Variants in LARGE1 observed in about 807,000 individuals in gnomAD.
LARGE1 encodes LARGE xylosyl- and glucuronyltransferase 1.
In LARGE1, 43 loss-of-function variants were observed where a neutral mutation model predicts 87.6. The observed-to-expected ratio is 0.49, with a 90% CI of 0.38 to 0.63. LARGE1 has a LOEUF of 0.63. LARGE1 is among the 30% of genes least tolerant of loss of function. The pLI is 0.00. For missense variants in LARGE1, 802 were observed against 1,000.2 expected (o/e 0.80, Z 2.67); for synonymous variants, 434 against 394.6 (o/e 1.10, Z -1.18).
intron 2 of LARGE1, among the ~76,000 whole-genome samples, chr22:33,668,881 C>T (rs947628508): frequency 6.6e-6 from 1 of 152,120 alleles, no homozygotes; most frequent in South Asian, 2.1e-4. Context: ...TATGTAATGG[C>T]GTAAAAAGAT....
chr22:33,432,104 G>T, intron 7 of LARGE1, 57 bp downstream of exon 7: 1 of 1,359,160 alleles, frequency 7.4e-7, no homozygotes, highest in Non-Finnish European at 1.1e-6. Flanking sequence ...TGCGGAAGGA[G>T]CACTGGGTCC....
intron 1 of LARGE1, among the ~76,000 whole-genome samples, chr22:33,795,505 A>G (rs543188065): frequency 1.3e-5 from 2 of 152,298 alleles, no homozygotes; most frequent in South Asian, 4.2e-4. Context: ...CCATCCCATT[A>G]CTGAGTATAT....
intron 1 of LARGE1, among the ~76,000 whole-genome samples, chr22:33,812,689 C>T (rs1229788080): frequency 3.3e-5 from 5 of 152,202 alleles, no homozygotes; most frequent in Admixed American, 6.5e-5. Context: ...ACCAAGTTTC[C>T]CTTTGTGTGG....
At chr22:33,441,144 G>T (rs113532410) in intron 6 of LARGE1, among the ~76,000 whole-genome samples, 7,331 of 128,876 alleles carry the variant, frequency 0.057, 250 homozygotes, top group Middle Eastern at 0.18. Flanking sequence ...GTACAATCTT[G>T]GCTCACTGCA....
At chr22:33,140,690 A>G in the LARGE1 span, among the ~76,000 whole-genome samples, 1 of 152,058 alleles carries the variant, frequency 6.6e-6, no homozygotes, top group Non-Finnish European at 1.5e-5. Context: ...GGACTCTTGG[A>G]CTTACACCAG....
intron 11 of LARGE1, among the ~76,000 whole-genome samples, chr22:33,239,066 G>A (rs568855431): frequency 3.4e-4 from 51 of 150,524 alleles, no homozygotes; most frequent in African/African-American, 7.1e-4. Context: ...AAGATTAATC[G>A]CAAAAAGGAG....
intron 11 of LARGE1, among the ~76,000 whole-genome samples, chr22:33,217,627 A>G (rs997577915): frequency 6.6e-6 from 1 of 152,168 alleles, no homozygotes; most frequent in African/African-American, 2.4e-5. Context: ...GATAAATACT[A>G]AGTTCAGGCT....
chr22:33,589,582 T>C (rs191060165), intron 5 of LARGE1, among the ~76,000 whole-genome samples: 79 of 152,338 alleles, frequency 5.2e-4, no homozygotes, highest in Non-Finnish European at 1.0e-3. Context: ...AGAATTCTGC[T>C]GTGAACTCCA....
chr22:33,639,510 G>T (rs182646431), intron 3 of LARGE1, among the ~76,000 whole-genome samples: 116 of 152,294 alleles, frequency 7.6e-4, no homozygotes, highest in African/African-American at 2.7e-3. Flanking sequence ...AGCTTCCCCT[G>T]CCTCCACCTC....
intron 4 of LARGE1, among the ~76,000 whole-genome samples, chr22:33,615,935 C>G (rs533973417): frequency 6.6e-6 from 1 of 152,212 alleles, no homozygotes; most frequent in Admixed American, 6.5e-5. Flanking sequence ...TATCATTAAT[C>G]ATTAGGGAAA....
chr22:33,905,633 A>C (rs543080615), intron 1 of LARGE1, among the ~76,000 whole-genome samples: 25 of 152,344 alleles, frequency 1.6e-4, no homozygotes, highest in African/African-American at 5.8e-4. Context: ...AAAGGGGCTT[A>C]AATGCCCTGT....
At chr22:33,520,542 C>T (rs1346476969) in intron 6 of LARGE1, among the ~76,000 whole-genome samples, 2 of 152,216 alleles carry the variant, frequency 1.3e-5, no homozygotes, top group African/African-American at 4.8e-5. Context: ...ATCTCTAACT[C>T]ACTTCCCCAC....
chr22:33,514,622 A>G (rs1418177101), intron 6 of LARGE1, among the ~76,000 whole-genome samples: 6 of 152,200 alleles, frequency 3.9e-5, no homozygotes, highest in Non-Finnish European at 7.3e-5. Context: ...CCCATTTAAT[A>G]TAAGGAACTT....
downstream of LARGE1, among the ~76,000 whole-genome samples, chr22:33,267,960 ATT>A (rs397940812): frequency 1.4e-5 from 2 of 145,654 alleles, no homozygotes; most frequent in African/African-American, 5.1e-5. Flanking sequence ...AAATTCAAGA[ATT>A]TTTTTTTTTT....
intron 2 of LARGE1, among the ~76,000 whole-genome samples, chr22:33,671,899 T>A (rs948592603): frequency 1.3e-5 from 2 of 152,194 alleles, no homozygotes; most frequent in African/African-American, 4.8e-5. Flanking sequence ...ATGTGTGATA[T>A]ACTTGACAAT....
chr22:33,202,937 G>T (rs1209009300), intron 11 of LARGE1, among the ~76,000 whole-genome samples: 2 of 152,188 alleles, frequency 1.3e-5, no homozygotes, highest in African/African-American at 4.8e-5. Context: ...CTAAGTTCTT[G>T]TCCACCCTTT....
chr22:33,769,255 C>T (rs552055676), intron 1 of LARGE1, among the ~76,000 whole-genome samples: 2 of 152,288 alleles, frequency 1.3e-5, no homozygotes, highest in South Asian at 2.1e-4. Flanking sequence ...ACCAGCACCA[C>T]CCACTTCATT....
intron 4 of LARGE1, among the ~76,000 whole-genome samples, chr22:33,625,772 CA>C (rs2079902308): frequency 6.6e-6 from 1 of 152,100 alleles, no homozygotes; most frequent in Admixed American, 6.6e-5. Flanking sequence ...GGACACCTGT[CA>C]TATTAGATTA....
At chr22:33,610,857 G>A (rs2079406977) in intron 4 of LARGE1, among the ~76,000 whole-genome samples, 1 of 152,146 alleles carries the variant, frequency 6.6e-6, no homozygotes, top group Admixed American at 6.5e-5. Flanking sequence ...ACCCCAAAAG[G>A]CTGCTCTTTG....
Sources: allele counts gnomAD v4.1 joint callset (sites outside exome capture counted in the v4.1 genomes callset), GRCh38; gene constraint gnomAD v4.1.1; transcripts MANE v1.5; gene names NCBI Gene and HGNC (gene_info 2026-07-23, HGNC 2026-07-21).